Variants in ROBO2 observed in about 807,000 individuals in gnomAD.
The protein encoded by ROBO2 is roundabout guidance receptor 2.
Under a neutral mutation model 160.8 loss-of-function variants are expected in ROBO2, and 53 were observed. That is an observed-to-expected ratio of 0.33 (90% CI 0.26 to 0.41). The LOEUF is 0.41. ROBO2 is among the 10% of genes least tolerant of loss of function. ROBO2 has a pLI of 1.00. For missense variants in ROBO2, 1,577 were observed against 1,722.4 expected, an observed-to-expected ratio of 0.92 and a Z score of 1.49; for synonymous variants, 664 against 611.7, an observed-to-expected ratio of 1.09 and a Z score of -1.26.
chr3:76,520,740 T>C (rs1354850008), intron 2 of ROBO2, among the ~76,000 whole-genome samples: 1 of 152,156 alleles, frequency 6.6e-6, no homozygotes, highest in Non-Finnish European at 1.5e-5. Flanking sequence ...TCAAGAAACC[T>C]CTACATTATA....
intron 5 of ROBO2, among the ~76,000 whole-genome samples, chr3:77,495,922 T>A (rs901142788): frequency 1.3e-5 from 2 of 152,224 alleles, no homozygotes; most frequent in Admixed American, 6.5e-5. Flanking sequence ...TCCAGCTTAA[T>A]GTAGGTGTTA....
chr3:76,548,187 C>A (rs1227272037), intron 2 of ROBO2, among the ~76,000 whole-genome samples: 2 of 152,242 alleles, frequency 1.3e-5, no homozygotes, highest in East Asian at 3.9e-4. Context: ...AGGAAAGACA[C>A]AGTGGTTAAA....
At chr3:76,580,343 T>TTTTTTTTTTTTTTTTTTTTTTTTTTTG (rs2085610198) in intron 2 of ROBO2, among the ~76,000 whole-genome samples, 1 of 7,296 alleles carries the variant, frequency 1.4e-4, no homozygotes, top group Non-Finnish European at 6.1e-4. Context: ...TTTTTTTGTG[T>TTTTTTTTTTTTTTTTTTTTTTTTTTTG]TTTTTTTTTT....
rs116552547 is a variant in ROBO2, at chr3:76,981,033, C to T, written c.110-116981C>T. ...GTATCAGTACTTCATTCGTTTTCGT[C>T]GCCTAATAATGTTCCATTGCATGGA... On this transcript the variant is annotated intron_variant, in intron 2 of 26. Transcript: ENST00000487694. Among the ~76,000 whole-genome samples, 493 of 152,256 alleles carry T rather than the reference C, an allele frequency of 3.2e-3. 6 individuals are homozygous for T. The highest frequency in any genetic ancestry group is 0.011 in the African/African-American group (456 of 41,564).
At chr3:76,407,563 C>T (rs955816656) in intron 2 of ROBO2, among the ~76,000 whole-genome samples, 1 of 151,898 alleles carries the variant, frequency 6.6e-6, no homozygotes, top group African/African-American at 2.4e-5. Flanking sequence ...CTTACCATTA[C>T]TGCACACGTT....
chr3:76,523,378 A>G (rs1412368931), intron 2 of ROBO2, among the ~76,000 whole-genome samples: 1 of 151,956 alleles, frequency 6.6e-6, no homozygotes, highest in Admixed American at 6.6e-5. Flanking sequence ...TTACTTGGAC[A>G]TGTCTTGAAT....
chr3:77,155,796 G>C (rs1486016377), intron 2 of ROBO2, among the ~76,000 whole-genome samples: 1 of 151,978 alleles, frequency 6.6e-6, no homozygotes, highest in Non-Finnish European at 1.5e-5. Flanking sequence ...CCCCTCAAAA[G>C]CACTTCATGT....
chr3:76,185,412 G>C (rs527715929), intron 2 of ROBO2, among the ~76,000 whole-genome samples: 2 of 151,686 alleles, frequency 1.3e-5, no homozygotes, highest in African/African-American at 2.4e-5. Flanking sequence ...TATTTACAGT[G>C]ATGTGCTGGG....
At chr3:76,913,787 A>C (rs1185757762) in intron 2 of ROBO2, among the ~76,000 whole-genome samples, 2 of 152,038 alleles carry the variant, frequency 1.3e-5, no homozygotes, top group South Asian at 2.1e-4. Flanking sequence ...AGATGAGTAA[A>C]TGTGAGTAAT....
chr3:77,622,577 C>T, intron 23 of ROBO2, 145 bp downstream of exon 24: 1 of 736,044 alleles, frequency 1.4e-6, no homozygotes, highest in Non-Finnish European at 2.2e-6. Flanking sequence ...ATACAAAATT[C>T]AAAAAGGATT....
intron 2 of ROBO2, among the ~76,000 whole-genome samples, chr3:76,008,439 G>A (rs1490805158): frequency 2.0e-5 from 3 of 151,828 alleles, no homozygotes; most frequent in South Asian, 2.1e-4. Context: ...TAGCAGTGTC[G>A]ATGCCACCTC....
intron 2 of ROBO2, among the ~76,000 whole-genome samples, chr3:76,686,383 A>C (rs926517923): frequency 3.3e-5 from 5 of 152,110 alleles, no homozygotes; most frequent in Admixed American, 2.0e-4. Context: ...CAGATAAATT[A>C]CTTAAAAAGA....
chr3:76,646,043 C>A (rs1169182978), intron 2 of ROBO2, among the ~76,000 whole-genome samples: 1 of 152,098 alleles, frequency 6.6e-6, no homozygotes, highest in African/African-American at 2.4e-5. Context: ...AAATGCTGGG[C>A]TAAGTGTTCG....
intron 2 of ROBO2, among the ~76,000 whole-genome samples, chr3:76,700,020 A>G (rs2093014228): frequency 1.3e-5 from 2 of 152,220 alleles, no homozygotes; most frequent in South Asian, 2.1e-4. Context: ...AAATAGCAAA[A>G]AAAACCCATG....
intron 2 of ROBO2, among the ~76,000 whole-genome samples, chr3:76,457,486 C>T (rs1195639629): frequency 6.6e-6 from 1 of 152,158 alleles, no homozygotes; most frequent in Non-Finnish European, 1.5e-5. Context: ...AGCCTCCCTC[C>T]CTGCTGCTTT....
intron 6 of ROBO2, among the ~76,000 whole-genome samples, chr3:77,527,841 T>C (rs1246703463): frequency 1.3e-5 from 2 of 151,602 alleles, no homozygotes; most frequent in Non-Finnish European, 3.0e-5. Context: ...TCTTTTAAGT[T>C]ACTCCGAGTC....
At chr3:76,640,851 A>G (rs1379074126) in intron 2 of ROBO2, among the ~76,000 whole-genome samples, 2 of 152,240 alleles carry the variant, frequency 1.3e-5, no homozygotes, top group Non-Finnish European at 2.9e-5. Context: ...AATCAAGATA[A>G]GTAAAAAGGA....
At chr3:76,955,174 T>G (rs2079170652) in intron 2 of ROBO2, among the ~76,000 whole-genome samples, 1 of 152,248 alleles carries the variant, frequency 6.6e-6, no homozygotes, top group Non-Finnish European at 1.5e-5. Context: ...TTTTCAAGAT[T>G]TATTCATATC....
intron 2 of ROBO2, among the ~76,000 whole-genome samples, chr3:76,938,365 C>CA (rs34507880): frequency 6.8e-6 from 1 of 147,922 alleles, no homozygotes; most frequent in Non-Finnish European, 1.5e-5. Context: ...ACCTACCCCC[C>CA]CCAAAAAAGG....
Sources: allele counts gnomAD v4.1 joint callset (sites outside exome capture counted in the v4.1 genomes callset), GRCh38; gene constraint gnomAD v4.1.1; transcripts MANE v1.5; gene names NCBI Gene and HGNC (gene_info 2026-07-23, HGNC 2026-07-21).